ATP7A: variants seen among roughly 807,000 people sequenced by gnomAD.
The protein encoded by ATP7A is ATPase copper transporting alpha, also known as copper-transporting ATPase 1.
Under a neutral mutation model 83.5 loss-of-function variants are expected in ATP7A, and 7 were observed. The observed-to-expected ratio is 0.08, with a 90% confidence interval of 0.05 to 0.16. The LOEUF is 0.16. Ranked by LOEUF, ATP7A falls within the 10% of genes least tolerant of loss-of-function variation. ATP7A has a pLI of 1.00. For synonymous variants in ATP7A, 354 were observed against 395.2 expected, an observed-to-expected ratio of 0.90 and a Z score of 1.24; for missense variants, 940 against 1,120.8, an observed-to-expected ratio of 0.84 and a Z score of 2.30.
At chrX:78,005,900 A>AT (rs1267504712) in intron 6 of ATP7A, among the ~76,000 whole-genome samples, 1 of 110,328 alleles carries the variant, frequency 9.1e-6, no homozygotes, top group Non-Finnish European at 1.9e-5. Context: ...ATGAAGGTTA[A>AT]TTTTTTCATA....
chrX:77,995,707 T>C (rs190785865), intron 4 of ATP7A, among the ~76,000 whole-genome samples: 132 of 111,449 alleles, frequency 1.2e-3, no homozygotes, highest in African/African-American at 4.2e-3. Context: ...ATCTAAATAC[T>C]TGATTAAATT....
At chrX:77,920,172 G>A (rs982546170) in intron 1 of ATP7A, among the ~76,000 whole-genome samples, 1 of 109,432 alleles carries the variant, frequency 9.1e-6, no homozygotes, top group Non-Finnish European at 1.9e-5. Flanking sequence ...TCCCCACCCA[G>A]TAGTCCGCAG....
chrX:78,011,393 T>C (rs1327926654), intron 8 of ATP7A, 56 bp from the exon 9 acceptor site: 7 of 1,087,433 alleles, frequency 6.4e-6, no homozygotes, highest in Non-Finnish European at 8.9e-6. Context: ...TGTAGAATCT[T>C]TACCCATTAG....
chrX:77,994,218 AC>A (rs1481171954), intron 4 of ATP7A, among the ~76,000 whole-genome samples: 1 of 110,462 alleles, frequency 9.1e-6, no homozygotes, highest in Non-Finnish European at 1.9e-5. Flanking sequence ...GGCGCATGCC[AC>A]CATGCCCGGC....
intron 1 of ATP7A, among the ~76,000 whole-genome samples, chrX:77,958,034 G>A (rs2149064913): frequency 9.0e-6 from 1 of 111,007 alleles, no homozygotes; most frequent in Non-Finnish European, 1.9e-5. Flanking sequence ...CCATCTCCTT[G>A]GTGATAAGCA....
At chrX:78,005,309 T>G (rs111240650) in intron 6 of ATP7A, among the ~76,000 whole-genome samples, 30,666 of 110,054 alleles carry the variant, frequency 0.28, 3,166 homozygotes, top group South Asian at 0.35. Context: ...GACTCACAAG[T>G]AAGTAAAAAA....
chrX:77,992,893 C>T (rs782172956), intron 4 of ATP7A, among the ~76,000 whole-genome samples: 31 of 112,480 alleles, frequency 2.8e-4, no homozygotes, highest in African/African-American at 5.8e-4. Context: ...GGATTACAGG[C>T]GTGAGCCACT....
At chrX:77,963,082 G>C (rs1557228274) in intron 1 of ATP7A, 1 of 162,671 alleles carries the variant, frequency 6.1e-6, no homozygotes, top group Non-Finnish European at 1.2e-5. Context: ...ATGTTGATCA[G>C]TACTTGTTTA....
At chrX:77,988,937 G>C (rs2077654059) in intron 3 of ATP7A, among the ~76,000 whole-genome samples, 1 of 111,059 alleles carries the variant, frequency 9.0e-6, no homozygotes, top group South Asian at 3.8e-4. Context: ...AAGGCAGCTG[G>C]GTTGGCAATT....
intron 1 of ATP7A, among the ~76,000 whole-genome samples, chrX:77,945,417 C>T (rs2077373587): frequency 2.7e-5 from 3 of 109,977 alleles, no homozygotes. Context: ...CAGACTCAAG[C>T]GATCTGCCCA....
At chrX:77,953,485 A>G (rs2077424927) in intron 1 of ATP7A, among the ~76,000 whole-genome samples, 2 of 111,644 alleles carry the variant, frequency 1.8e-5, no homozygotes, top group African/African-American at 6.5e-5. Context: ...ACTCATTTGT[A>G]ATTTCAAGTA....
intron 9 of ATP7A, among the ~76,000 whole-genome samples, chrX:78,012,035 C>T (rs782150511): frequency 9.1e-6 from 1 of 109,805 alleles, no homozygotes; most frequent in East Asian, 2.8e-4. Context: ...TCTTGAACTC[C>T]TGGGCTCAAG....
At chrX:77,941,867 G>T (rs1040349588) in intron 1 of ATP7A, among the ~76,000 whole-genome samples, 1 of 111,646 alleles carries the variant, frequency 9.0e-6, no homozygotes, top group African/African-American at 3.3e-5. Context: ...GAGAACATAA[G>T]AATAAAATTA....
At chrX:78,033,963 C>A in intron 17 of ATP7A, 142 bp downstream of exon 17, 2 of 570,135 alleles carry the variant, frequency 3.5e-6, no homozygotes, top group Non-Finnish European at 5.8e-6. Context: ...GCCTTCTGAT[C>A]ATTTAAATTA....
chrX:77,950,358 G>T (rs1271992969), intron 1 of ATP7A, among the ~76,000 whole-genome samples: 1 of 111,618 alleles, frequency 9.0e-6, no homozygotes, highest in Non-Finnish European at 1.9e-5. Context: ...TTGCGGTGGG[G>T]GCATTTTCTT....
At chrX:78,014,588 T>C (rs1180128030) in intron 10 of ATP7A, 74 bp from the exon 11 acceptor site, 6 of 769,156 alleles carry the variant, frequency 7.8e-6, no homozygotes, top group African/African-American at 2.1e-5. Flanking sequence ...ATGCTAAAGA[T>C]TGTATTTTTA....
intron 1 of ATP7A, chrX:77,963,452 G>T (rs782277454): frequency 8.9e-6 from 1 of 111,979 alleles, no homozygotes; most frequent in Non-Finnish European, 1.9e-5. Flanking sequence ...CCTGTATTTA[G>T]CAGGAAGACT....
chrX:77,968,199 A>G (rs1318811406), intron 1 of ATP7A, among the ~76,000 whole-genome samples: 1 of 111,190 alleles, frequency 9.0e-6, no homozygotes, highest in Non-Finnish European at 1.9e-5. Context: ...AGCTGATCCT[A>G]TATTGGTATG....
chrX:77,986,167 CT>C (rs1305035727), intron 2 of ATP7A, among the ~76,000 whole-genome samples: 2 of 111,336 alleles, frequency 1.8e-5, no homozygotes, highest in Non-Finnish European at 3.8e-5. Context: ...TAGTGATTTC[CT>C]CCATCCCTAA....
Sources: allele counts gnomAD v4.1 joint callset (sites outside exome capture counted in the v4.1 genomes callset), GRCh38; gene constraint gnomAD v4.1.1; transcripts MANE v1.5; gene names NCBI Gene and HGNC (gene_info 2026-07-23, HGNC 2026-07-21).